The following CDH26 variants were observed in gnomAD, a reference collection of about 807,000 sequenced individuals.
The protein encoded by CDH26 is cadherin-like protein 26.
Under a neutral mutation model 90.3 loss-of-function variants are expected in CDH26, and 83 were observed. That is an observed-to-expected ratio of 0.92 (90% CI 0.77 to 1.10). The LOEUF is 1.10. CDH26 is among the 50% of genes least tolerant of loss of function. The pLI is 0.00. For missense variants in CDH26, 1,013 were observed against 1,037.6 expected (o/e 0.98, Z 0.33); for synonymous variants, 397 against 396.3 (o/e 1.00, Z -0.02).
chr20:60,017,784 A>G (rs1025889620), downstream of CDH26, among the ~76,000 whole-genome samples: 1 of 151,946 alleles, frequency 6.6e-6, no homozygotes, highest in African/African-American at 2.4e-5. Context: ...GCTATGTTCC[A>G]TAGATTTTGG....
chr20:59,987,748 T>C (rs1324110623), intron 8 of CDH26, 110 bp downstream of exon 8: 4 of 1,002,780 alleles, frequency 4.0e-6, no homozygotes, highest in Non-Finnish European at 5.8e-6. Context: ...TGCTGGGTGC[T>C]GAGCCCATTA....
chr20:59,969,988 G>C, intron 2 of CDH26, 94 bp from the exon 3 acceptor site: 3 of 1,511,520 alleles, frequency 2.0e-6, no homozygotes, highest in Non-Finnish European at 2.7e-6. Flanking sequence ...CCAGGTGTCA[G>C]CACAGGGCCT....
chr20:59,975,114 G>A (rs2061312739), intron 4 of CDH26, among the ~76,000 whole-genome samples: 1 of 152,142 alleles, frequency 6.6e-6, no homozygotes, highest in African/African-American at 2.4e-5. Context: ...GAGTTGAATT[G>A]TGTCTCCCAA....
chr20:60,006,884 G>A, intron 17 of CDH26, 97 bp downstream of exon 17: 2 of 851,574 alleles, frequency 2.3e-6, no homozygotes, highest in Non-Finnish European at 4.0e-6. Context: ...CTAAATCACT[G>A]CATTAGTCAG....
At chr20:59,989,912 C>T (rs6128735) in intron 9 of CDH26, among the ~76,000 whole-genome samples, 18,960 of 152,056 alleles carry the variant, frequency 0.12, 1,729 homozygotes, top group East Asian at 0.47. Flanking sequence ...TGTAAGGGTA[C>T]GGGTCAGTGG....
chr20:59,987,361 C>T, intron 7 of CDH26, 92 bp from the exon 8 acceptor site: 1 of 1,017,442 alleles, frequency 9.8e-7, no homozygotes, highest in South Asian at 1.7e-5. Flanking sequence ...CTCTCTTGCT[C>T]TCTCTCTGCT....
intron 15 of CDH26, 26 bp from the exon 16 acceptor site, chr20:60,002,787 C>G: frequency 1.3e-6 from 2 of 1,556,668 alleles, no homozygotes; most frequent in Non-Finnish European, 1.7e-6. Flanking sequence ...TATTTGAAAT[C>G]AGTAAATATT....
At chr20:60,018,410 A>C (rs1342590993), downstream of CDH26, among the ~76,000 whole-genome samples, 1 of 152,016 alleles carries the variant, frequency 6.6e-6, no homozygotes, top group Non-Finnish European at 1.5e-5. Context: ...TGTCTGATAT[A>C]AGTATAGCTA....
intron 7 of CDH26, among the ~76,000 whole-genome samples, chr20:60,020,589 G>A (rs974593133): frequency 5.3e-5 from 8 of 152,188 alleles, no homozygotes; most frequent in African/African-American, 1.9e-4. Flanking sequence ...GGGCTTGGTG[G>A]AATGAATATG....
At chr20:59,986,678 C>G (rs1050221978) in intron 7 of CDH26, among the ~76,000 whole-genome samples, 1 of 150,984 alleles carries the variant, frequency 6.6e-6, no homozygotes, top group Non-Finnish European at 1.5e-5. Flanking sequence ...TCAGCTCCAT[C>G]AAGGACGGAA....
In CDH26 at chr20:59,995,944, G is replaced by T; in HGVS notation, c.1778G>T (p.Arg593Met). The T allele has an allele frequency of 6.2e-7, 1 of 1,614,260 alleles. No individual in the cohort carries two copies. Among genetic ancestry groups the T allele is most frequent in the Non-Finnish European group, 8.5e-7 (1 of 1,180,046 alleles). Residue 593 changes from arginine to methionine, a missense_variant, in exon 12 of 18, where the codon AGG (arginine) becomes ATG (methionine). By Grantham distance (91) the Arg-to-Met change is moderately conservative. Coordinates refer to ENST00000348616, the MANE Select transcript of CDH26 (RefSeq NM_177980.4). ...TCCCAGAAGCAAACTGTCCATGTAA[G>T]GATCTGCCCCTGTGCCAGTGGGCTC... ...GLSQKQTVHV[R>M]ICPCASGLTC...
chr20:60,002,568 G>A lies in CDH26; in HGVS notation c.2167-245G>A, dbSNP rs373760783. The stretch of plus-strand genomic sequence containing the variant: ...ATTCAGGGCATGGCCATGGCAAAAG[G>A]AAATCTTACTGGGTGTTAATGGACC... On this transcript the variant is annotated intron_variant, in intron 15 of 17. Transcript: ENST00000348616. Among the ~76,000 whole-genome samples the A allele has an allele frequency of 5.9e-5, 9 of 152,178 alleles. No individual in the cohort carries two copies. The East Asian group carries it at 9.8e-4, about 16-fold the overall frequency.
chr20:60,028,561 C>G (rs186725712), intron 7 of CDH26, among the ~76,000 whole-genome samples: 2 of 152,100 alleles, frequency 1.3e-5, no homozygotes, highest in Non-Finnish European at 2.9e-5. Context: ...TGATTCAAAA[C>G]GCTGAGCAGG....
At position 59,985,218 on chromosome 20, in the gene CDH26, G is replaced by A. The variant is rs895637492; in HGVS notation, c.837+89G>A. On this transcript the variant is annotated intron_variant, in intron 7 of 17. Coordinates refer to ENST00000348616, the MANE Select transcript of CDH26 (RefSeq NM_177980.4). ...CAGTTTTTCTCAGAGAGGGTGTTAG[G>A]CTGTTATCATATTGCTGTGAAGAAA... 3.0e-5 allele frequency: 44 copies of A among 1,490,718 alleles called. No homozygotes were observed. In the African/African-American group the frequency reaches 4.9e-4, roughly 17 times the overall value. 92.3% of individuals were successfully genotyped at this position (1,490,718 alleles called of 1,614,324 possible). A position where few individuals can be genotyped will look rare whatever the true frequency, so the allele number is the denominator to read the frequency against.
intron 7 of CDH26, among the ~76,000 whole-genome samples, chr20:60,024,327 A>C (rs2061980670): frequency 6.6e-6 from 1 of 152,200 alleles, no homozygotes; most frequent in Admixed American, 6.5e-5. Context: ...ACACAAGGCC[A>C]TGGCCATGGC....
intron 3 of CDH26, among the ~76,000 whole-genome samples, chr20:59,970,459 G>T (rs1161891308): frequency 6.6e-6 from 1 of 150,902 alleles, no homozygotes; most frequent in African/African-American, 2.4e-5. Flanking sequence ...CAACTGACAG[G>T]TCTGCTTTAT....
At chr20:60,032,802 A>G (rs537113114) in intron 8 of CDH26, among the ~76,000 whole-genome samples, 15 of 141,632 alleles carry the variant, frequency 1.1e-4, no homozygotes, top group Admixed American at 7.6e-4. Context: ...GAACAATGAG[A>G]ACACATGGAC....
chr20:60,011,708 G>A (rs935463726), intron 17 of CDH26, among the ~76,000 whole-genome samples: 3 of 152,158 alleles, frequency 2.0e-5, no homozygotes, highest in East Asian at 1.9e-4. Flanking sequence ...GCTTGTAGCC[G>A]GCTAGCCCCT....
intron 7 of CDH26, among the ~76,000 whole-genome samples, chr20:60,027,945 C>T (rs745996192): frequency 6.6e-6 from 1 of 152,238 alleles, no homozygotes; most frequent in Non-Finnish European, 1.5e-5. Flanking sequence ...ATACCCTTCA[C>T]TCGGTTTTCT....
Sources: gnomAD v4.1 joint callset for allele counts (sites outside exome capture counted in the v4.1 genomes callset) on GRCh38, gnomAD v4.1.1 for gene constraint, MANE v1.5 for transcripts, NCBI Gene and HGNC (gene_info 2026-07-23, HGNC 2026-07-21) for gene names.